The following SLC23A3 variants were observed in gnomAD, a reference collection of about 807,000 sequenced individuals.
SLC23A3 encodes E2-binding protein 3.
Under a neutral mutation model 64.7 loss-of-function variants are expected in SLC23A3, and 41 were observed. That is an observed-to-expected ratio of 0.63 (90% confidence interval 0.49 to 0.82). SLC23A3 has a LOEUF of 0.82. Among genes scored for constraint, SLC23A3 ranks in the 40% least tolerant of loss-of-function variants. SLC23A3 has a pLI of 0.00. For synonymous variants in SLC23A3, 281 were observed against 306.8 expected (o/e 0.92, Z 0.88); for missense variants, 647 against 733.4 (o/e 0.88, Z 1.36).
In SLC23A3 at chr2:219,168,195, C is replaced by T. The variant is rs560144655; in HGVS notation, c.798G>A (p.Ser266=). The T allele has an allele frequency of 2.7e-5, 44 of 1,613,672 alleles. No individual in the cohort carries two copies. The highest frequency in any genetic ancestry group is 2.1e-4 in the South Asian group (19 of 91,010). ...HTPLPVFRLL[S]VLIPVACVWI... is the part of the protein sequence containing the mutation. ...CTGCCCTGCCCAGACCCACACATACCGAAAGGAGCCGGAAGACAGGGAGAG... is the reference window on the plus strand; with the variant it reads ...CTGCCCTGCCCAGACCCACACATACTGAAAGGAGCCGGAAGACAGGGAGAG... Residue 266 remains serine, a splice_region_variant and synonymous_variant, in exon 6 of 12, where the codon TCG becomes TCA. Coordinates refer to ENST00000409878, the MANE Select transcript of SLC23A3 (RefSeq NM_001144889.2).
intron 7 of SLC23A3, among the ~76,000 whole-genome samples, 192 bp from the exon 8 acceptor site, chr2:219,165,614 C>G (rs1406450811): frequency 1.3e-5 from 2 of 152,224 alleles, no homozygotes; most frequent in Non-Finnish European, 2.9e-5. Context: ...TTTGGTCTGG[C>G]CCTTCCCTCT....
At chr2:219,163,697 T>C (rs1006607363) in intron 9 of SLC23A3, 142 bp from the exon 10 acceptor site, 2 of 872,066 alleles carry the variant, frequency 2.3e-6, no homozygotes, top group African/African-American at 3.4e-5. Context: ...TTTTTTTGTT[T>C]TTTTGGTTTT....
At chr2:219,167,906 A>G (rs376787536) in intron 7 of SLC23A3, 24 bp downstream of exon 7, 1 of 1,506,362 alleles carries the variant, frequency 6.6e-7, no homozygotes, top group South Asian at 1.2e-5. Flanking sequence ...GAACAAGAGA[A>G]TGGAGGACTA....
intron 8 of SLC23A3, 24 bp downstream of exon 8, chr2:219,165,145 C>T (rs1949991919): frequency 3.2e-6 from 5 of 1,550,630 alleles, no homozygotes; most frequent in Non-Finnish European, 4.4e-6. Flanking sequence ...CATCCTACCC[C>T]ACTCCCATCC....
Position 219,169,755 on chromosome 2 carries a change from C to T in SLC23A3, c.162+68G>A. On this transcript the variant is annotated intron_variant, in intron 1 of 11. Transcript: ENST00000409878. The surrounding 1 kb of genome is among the most constrained non-coding windows in gnomAD (Gnocchi z 4.5). ...CAATACTTCCAGAGGCTTTCACATGCCACATCTACACCTACTTCCCCACAC... is the reference window on the plus strand; with the variant it reads ...CAATACTTCCAGAGGCTTTCACATGTCACATCTACACCTACTTCCCCACAC... 3 of 1,610,698 alleles carry T rather than the reference C, an allele frequency of 1.9e-6. No homozygotes were observed. The highest frequency in any genetic ancestry group is 2.7e-5 in the African/African-American group (2 of 74,812).
Position 219,162,086 on chromosome 2 carries a change from G to A in SLC23A3, c.1656C>T (p.Pro552=). 6.2e-7 allele frequency: 1 copy of A among 1,614,208 alleles called. No homozygotes were observed. Among genetic ancestry groups the A allele is most frequent in the Non-Finnish European group, 8.5e-7 (1 of 1,180,034 alleles). Residue 552 remains proline (P), a synonymous_variant, in exon 12 of 12, where the codon CCC becomes CCT. Transcript: ENST00000409878. ...KAAQVYRLPF[P]IQNLCPCIPQ... is the part of the protein sequence containing the mutation. ...GGATGCAGGGACAGAGGTTTTGGAT[G>A]GGGAAAGGAAGTCTGTACACTTGAG...
chr2:219,169,732 A>G lies in SLC23A3; in HGVS notation c.163-54T>C, dbSNP rs918794456. 8.1e-6 allele frequency: 13 copies of G among 1,610,998 alleles called. No homozygotes were observed. In the Admixed American group the frequency reaches 8.4e-5, roughly 10 times the overall value. On this transcript the variant is annotated intron_variant, in intron 1 of 11. Transcript: ENST00000409878. This position sits in a 1 kb window ranked among gnomAD's most constrained non-coding sequence, Gnocchi z 4.5. ...CTTCAGAGAAGTGGAAATACCTACA[A>G]TACTTCCAGAGGCTTTCACATGCCA...
At chr2:219,167,782 T>G in intron 7 of SLC23A3, 148 bp downstream of exon 7, 2 of 646,654 alleles carry the variant, frequency 3.1e-6, no homozygotes. Context: ...GGGCTAGCAT[T>G]GTCTGTCTCT....
chr2:219,168,362 TG>T (rs1950025257), intron 5 of SLC23A3, 44 bp from the exon 6 acceptor site: 1 of 1,527,296 alleles, frequency 6.5e-7, no homozygotes, highest in South Asian at 1.2e-5. Flanking sequence ...GTGGGTATCC[TG>T]AGGGATGGGA....
chr2:219,167,037 A>G (rs1950011323), intron 7 of SLC23A3, among the ~76,000 whole-genome samples: 1 of 152,314 alleles, frequency 6.6e-6, no homozygotes, highest in East Asian at 1.9e-4. Flanking sequence ...CAGTCAACAG[A>G]TCCTTATTAA....
intron 7 of SLC23A3, among the ~76,000 whole-genome samples, chr2:219,166,132 CAAA>C (rs35073041): frequency 2.1e-5 from 3 of 143,194 alleles, no homozygotes; most frequent in Non-Finnish European, 3.1e-5. Context: ...AACTCCATTT[CAAA>C]AAAAAAAAAA....
Position 219,169,753 on chromosome 2 carries a change from T to C in SLC23A3, c.162+70A>G, listed in dbSNP as rs1950042801. The C allele has an allele frequency of 1.9e-6, 3 of 1,610,268 alleles. No individual in the cohort carries two copies. The highest frequency in any genetic ancestry group is 1.3e-5 in the African/African-American group (1 of 74,476). On this transcript the variant is annotated intron_variant, in intron 1 of 11. Coordinates refer to ENST00000409878, the MANE Select transcript of SLC23A3 (RefSeq NM_001144889.2). The surrounding 1 kb of genome is among the most constrained non-coding windows in gnomAD (Gnocchi z 4.5). Reference sequence around the variant, plus strand: ...TACAATACTTCCAGAGGCTTTCACATGCCACATCTACACCTACTTCCCCAC... The same window carrying C: ...TACAATACTTCCAGAGGCTTTCACACGCCACATCTACACCTACTTCCCCAC...
rs1949970431 is a variant in SLC23A3 at position 219,163,478 on chromosome 2, CA to C, written c.1350del (p.Arg452GlufsTer42). 1 of 1,614,040 alleles carries C rather than the reference CA, an allele frequency of 6.2e-7. No homozygotes were observed. ...AAGCCCACAATGAAGATATTTCGCC[CA>C]GAGTCTATGTCAGCCAGGTAGAAGC... is the stretch of plus-strand genomic sequence containing the variant. ...FSSFYLADID[S>X]GRNIFIVGFS... On this transcript the variant is annotated frameshift_variant, in exon 10 of 12. Coordinates refer to ENST00000409878, the MANE Select transcript of SLC23A3 (RefSeq NM_001144889.2). LOFTEE classifies it high-confidence loss of function.
Position 219,163,554 on chromosome 2 carries a change from A to C in SLC23A3, c.1275T>G (p.Gly425=). The change falls in exon 10 of 12, where the codon GGT becomes GGG. Residue 425 remains glycine (G), a splice_region_variant and synonymous_variant. Transcript: ENST00000409878. ...LLTTIPLPVV[G]GVLGVTQAVV... Reference sequence around the variant, plus strand: ...CAGCCTGGGTCACCCCCAGCACCCCACCTGTCTCATACAGAAGAAATCAAG... The same window carrying C: ...CAGCCTGGGTCACCCCCAGCACCCCCCCTGTCTCATACAGAAGAAATCAAG... The C allele has an allele frequency of 6.2e-7, 1 of 1,613,998 alleles. No homozygotes were observed. Among genetic ancestry groups the C allele is most frequent in the Non-Finnish European group, 8.5e-7 (1 of 1,179,994 alleles).
chr2:219,165,456 A>G, intron 7 of SLC23A3, 34 bp from the exon 8 acceptor site: 1 of 1,534,482 alleles, frequency 6.5e-7, no homozygotes. Flanking sequence ...TTGGGGCCAG[A>G]CTCAAGTCAG....
chr2:219,163,130 C>T (rs1287235685), intron 10 of SLC23A3, among the ~76,000 whole-genome samples: 5 of 152,348 alleles, frequency 3.3e-5, no homozygotes, highest in African/African-American at 1.2e-4. Flanking sequence ...ATCTCTCTTG[C>T]CACTGAGCAC....
rs762808227 is a variant in SLC23A3, at chr2:219,169,266, A to G, written c.418+43T>C. 4.3e-6 allele frequency: 7 copies of G among 1,613,850 alleles called. No homozygotes were observed. Among genetic ancestry groups the G allele is most frequent in the Non-Finnish European group, 4.2e-6 (5 of 1,179,978 alleles). Reference sequence around the variant, plus strand: ...ACCTACACCTGCATGCTCAGATGAGAACCCAGCCCCACCCTTACCCCTTGC... The same window carrying G: ...ACCTACACCTGCATGCTCAGATGAGGACCCAGCCCCACCCTTACCCCTTGC... On this transcript the variant is annotated intron_variant, in intron 3 of 11. Coordinates refer to ENST00000409878, the MANE Select transcript of SLC23A3 (RefSeq NM_001144889.2). This position sits in a 1 kb window ranked among gnomAD's most constrained non-coding sequence, Gnocchi z 4.5.
Position 219,169,016 on chromosome 2 carries a change from T to TC in SLC23A3, c.492+12dup. On this transcript the variant is annotated intron_variant, in intron 4 of 11. Coordinates refer to ENST00000409878, the MANE Select transcript of SLC23A3 (RefSeq NM_001144889.2). This position sits in a 1 kb window ranked among gnomAD's most constrained non-coding sequence, Gnocchi z 4.5. ...GGCACCACCCTTATCCCTTCTCACC[T>TC]CCAGATACCCACCTCCTGGAGAGAA... 1 of 1,612,128 alleles carries TC rather than the reference T, an allele frequency of 6.2e-7. No homozygotes were observed. Among genetic ancestry groups the TC allele is most frequent in the Non-Finnish European group, 8.5e-7 (1 of 1,178,352 alleles).
At chr2:219,168,355 G>C in intron 5 of SLC23A3, 37 bp from the exon 6 acceptor site, 1 of 1,536,284 alleles carries the variant, frequency 6.5e-7, no homozygotes, top group Admixed American at 2.1e-5. Context: ...AGAGGCAGTG[G>C]GTATCCTGAG....
Sources: allele counts gnomAD v4.1 joint callset (sites outside exome capture counted in the v4.1 genomes callset), GRCh38; gene constraint gnomAD v4.1.1; non-coding constraint Gnocchi (gnomAD v3.1); transcripts MANE v1.5; gene names NCBI Gene and HGNC (gene_info 2026-07-23, HGNC 2026-07-21).